Variants in COPS4 observed in about 807,000 individuals in gnomAD.
COPS4 encodes the protein COP9 signalosome complex subunit 4.
COPS4 carries 8 observed loss-of-function variants against 55.1 expected under a neutral mutation model. The observed-to-expected ratio is 0.15, with a 90% CI of 0.09 to 0.26. The LOEUF (loss-of-function observed/expected upper bound fraction) is 0.26, where lower values mean the gene tolerates loss of function less well. Among genes scored for constraint, COPS4 ranks in the 10% least tolerant of loss-of-function variants. The pLI, the probability that COPS4 is intolerant of heterozygous loss-of-function variation, is 1.00. For missense variants in COPS4, 248 were observed against 484.0 expected, an observed-to-expected ratio of 0.51 and a Z score of 4.58; for synonymous variants, 185 against 165.7, an observed-to-expected ratio of 1.12 and a Z score of -0.90.
At chr4:83,068,230 C>T (rs1731336197) in intron 8 of COPS4, among the ~76,000 whole-genome samples, 1 of 152,046 alleles carries the variant, frequency 6.6e-6, no homozygotes, top group African/African-American at 2.4e-5. Flanking sequence ...ACAAGAAAAA[C>T]AGATCCCAGT....
chr4:83,047,223 G>T (rs1188808942), intron 2 of COPS4, among the ~76,000 whole-genome samples: 3 of 152,194 alleles, frequency 2.0e-5, no homozygotes, highest in Non-Finnish European at 4.4e-5. Context: ...TGTAGTAGCA[G>T]AAGAATAATG....
At chr4:83,075,212 A>G in intron 9 of COPS4, 85 bp from the exon 10 acceptor site, 4 of 1,207,972 alleles carry the variant, frequency 3.3e-6, no homozygotes, top group Non-Finnish European at 4.7e-6. Flanking sequence ...AAGAATAGGC[A>G]TGTAAAAAGT....
chr4:83,038,795 C>T (rs759950410), intron 1 of COPS4, among the ~76,000 whole-genome samples: 5 of 152,096 alleles, frequency 3.3e-5, no homozygotes, highest in Non-Finnish European at 4.4e-5. Context: ...GTGCATGCCA[C>T]CACACCCGAC....
At chr4:83,052,978 G>A (rs1730922517) in intron 4 of COPS4, among the ~76,000 whole-genome samples, 1 of 152,228 alleles carries the variant, frequency 6.6e-6, no homozygotes, top group Non-Finnish European at 1.5e-5. Flanking sequence ...AGACAATAAT[G>A]TGAGAAGTAA....
intron 2 of COPS4, among the ~76,000 whole-genome samples, chr4:83,047,273 T>A (rs1730739830): frequency 6.6e-6 from 1 of 152,224 alleles, no homozygotes; most frequent in Non-Finnish European, 1.5e-5. Flanking sequence ...CGGTGGCTCA[T>A]GCCTGTAATC....
chr4:83,058,371 C>T (rs1300736571), intron 6 of COPS4, among the ~76,000 whole-genome samples: 1 of 152,078 alleles, frequency 6.6e-6, no homozygotes, highest in Non-Finnish European at 1.5e-5. Flanking sequence ...GTGCACACCA[C>T]CATGCCTGGC....
At chr4:83,045,547 A>G in intron 1 of COPS4, 79 bp from the exon 2 acceptor site, 1 of 1,116,462 alleles carries the variant, frequency 9.0e-7, no homozygotes, top group East Asian at 2.4e-5. Flanking sequence ...GGTATGTAGA[A>G]ATGAATAAAT....
At chr4:83,046,140 G>A (rs1578705872) in intron 2 of COPS4, among the ~76,000 whole-genome samples, 1 of 151,838 alleles carries the variant, frequency 6.6e-6, no homozygotes, top group Non-Finnish European at 1.5e-5. Context: ...ACTTTGAGAA[G>A]TGTCTGCTTA....
intron 6 of COPS4, among the ~76,000 whole-genome samples, chr4:83,057,822 T>A (rs967314211): frequency 6.8e-6 from 1 of 147,068 alleles, no homozygotes; most frequent in African/African-American, 2.5e-5. Flanking sequence ...TGGGGGAGGC[T>A]GAGGCAGGAG....
intron 1 of COPS4, 181 bp downstream of exon 1, chr4:83,035,479 C>A: frequency 2.3e-6 from 1 of 430,574 alleles, no homozygotes; most frequent in Non-Finnish European, 4.5e-6. Context: ...TGGAGGGGAC[C>A]TTGTGCAGGG....
At chr4:83,052,417 G>A (rs538098706) in intron 4 of COPS4, among the ~76,000 whole-genome samples, 3 of 152,202 alleles carry the variant, frequency 2.0e-5, no homozygotes, top group East Asian at 1.9e-4. Flanking sequence ...TGGCGTTTTC[G>A]GCTAGATACT....
chr4:83,068,919 G>A (rs1484770887), intron 9 of COPS4, among the ~76,000 whole-genome samples: 1 of 149,396 alleles, frequency 6.7e-6, no homozygotes, highest in Non-Finnish European at 1.5e-5. Context: ...GCAGTGAGCC[G>A]AAATTGCAGC....
chr4:83,065,959 T>C (rs887117491), intron 7 of COPS4, among the ~76,000 whole-genome samples: 7 of 152,340 alleles, frequency 4.6e-5, no homozygotes, highest in African/African-American at 1.4e-4. Context: ...GAGAACTGCC[T>C]GGCCAACATG....
At chr4:83,054,890 C>T (rs114300659) in intron 4 of COPS4, among the ~76,000 whole-genome samples, 1,836 of 152,222 alleles carry the variant, frequency 0.012, 48 homozygotes, top group African/African-American at 0.041. Flanking sequence ...AAAAATGATT[C>T]ATTCTGATTA....
Position 83,040,217 on chromosome 4 carries a change from C to T in COPS4, c.74+4919C>T, listed in dbSNP as rs115136211. Among the ~76,000 whole-genome samples, 171 of 152,248 alleles carry T rather than the reference C, an allele frequency of 1.1e-3. 1 individual carries two copies. Among genetic ancestry groups the T allele is most frequent in the African/African-American group, 4.0e-3 (166 of 41,548 alleles). On this transcript the variant is annotated intron_variant, in intron 1 of 9. Coordinates refer to ENST00000264389, the MANE Select transcript of COPS4 (RefSeq NM_016129.3). ...TTTTTTCCAATGATACTTTTTATGGCTCCTGGTCTGTTGCTGAAACTTTAA... is the reference window on the plus strand; with the variant it reads ...TTTTTTCCAATGATACTTTTTATGGTTCCTGGTCTGTTGCTGAAACTTTAA...
rs564044859 is a variant in COPS4 at position 83,055,053 on chromosome 4, C to A, written c.411-1873C>A. Among the ~76,000 whole-genome samples the A allele has an allele frequency of 3.3e-5, 5 of 152,144 alleles. No homozygotes were observed. The East Asian group carries it at 9.6e-4, about 29-fold the overall frequency. On this transcript the variant is annotated intron_variant, in intron 4 of 9. Transcript: ENST00000264389. The stretch of plus-strand genomic sequence containing the variant: ...AAGGAATAAATTTGCATAAATTTCT[C>A]CTCCCATTCTCCTTTGCCCCCAAAT...
chr4:83,045,510 A>G, intron 1 of COPS4, 116 bp from the exon 2 acceptor site: 1 of 684,722 alleles, frequency 1.5e-6, no homozygotes, highest in Non-Finnish European at 2.4e-6. Context: ...AGAAAACCAC[A>G]AACTATAGTA....
At chr4:83,042,867 A>C (rs1195544508) in intron 1 of COPS4, among the ~76,000 whole-genome samples, 2 of 151,626 alleles carry the variant, frequency 1.3e-5, no homozygotes, top group Non-Finnish European at 2.9e-5. Flanking sequence ...GGCCTCCCAA[A>C]GTGCTGGGAT....
chr4:83,058,112 G>A (rs761642853), intron 6 of COPS4, among the ~76,000 whole-genome samples: 18 of 151,390 alleles, frequency 1.2e-4, no homozygotes, highest in African/African-American at 2.2e-4. Flanking sequence ...TTTTAGACCT[G>A]GCATTTATCC....
Sources: allele counts gnomAD v4.1 joint callset (sites outside exome capture counted in the v4.1 genomes callset), GRCh38; gene constraint gnomAD v4.1.1; transcripts MANE v1.5; gene names NCBI Gene and HGNC (gene_info 2026-07-23, HGNC 2026-07-21).